EBF3: variants seen among roughly 807,000 people sequenced by gnomAD.
EBF3 encodes EBF transcription factor 3.
In EBF3, 18 loss-of-function variants were observed where a neutral mutation model predicts 77.1. The observed-to-expected ratio is 0.23, with a 90% CI of 0.16 to 0.35. The LOEUF (loss-of-function observed/expected upper bound fraction) is 0.35. Ranked by LOEUF, EBF3 falls within the 10% of genes least tolerant of loss-of-function variation. The probability of loss-of-function intolerance (pLI) is 1.00; values close to 1 mark genes in which losing one functional copy is unlikely to be tolerated. For missense variants in EBF3, 558 were observed against 860.0 expected, an observed-to-expected ratio of 0.65 and a Z score of 4.39; for synonymous variants, 350 against 343.5, an observed-to-expected ratio of 1.02 and a Z score of -0.21.
chr10:129,852,624 C>T (rs773112469), intron 10 of EBF3, among the ~76,000 whole-genome samples: 4 of 152,134 alleles, frequency 2.6e-5, no homozygotes, highest in Admixed American at 6.5e-5. Flanking sequence ...TTTTATTAGA[C>T]CTGAATAGCA....
chr10:129,841,024 T>G lies in EBF3; in HGVS notation c.1381A>C (p.Ser461Arg). The G allele has an allele frequency of 6.3e-7, 1 of 1,590,484 alleles. No homozygotes were observed. Among genetic ancestry groups the G allele is most frequent in the Non-Finnish European group, 8.6e-7 (1 of 1,167,960 alleles). ...GGGGACACGCTGCTTGTATTGCGAC[T>G]GTAGCCGACTGTTGAAATCCCCCCC... ...TSQANDQVGY[S>R]RNTSSVSPRG... Residue 461 changes from serine (S) to arginine (R), a missense_variant, in exon 14 of 17, where the codon AGT (serine) becomes CGT (arginine). Around this residue, in one of 5 missense-constraint regions of EBF3, gnomAD observed 284 missense variants for 368.3 expected, o/e 0.77. Transcript: ENST00000440978. This position sits in a 1 kb window ranked among gnomAD's most constrained non-coding sequence, Gnocchi z 4.6.
intron 15 of EBF3, among the ~76,000 whole-genome samples, 176 bp from the exon 16 acceptor site, chr10:129,839,371 C>T (rs933276788): frequency 3.9e-5 from 6 of 152,214 alleles, no homozygotes; most frequent in African/African-American, 1.2e-4. Flanking sequence ...AAGGGCCACT[C>T]GCAAGTTCAT....
At chr10:129,844,343 CCTGTGG>C (rs1480857913) in intron 11 of EBF3, among the ~76,000 whole-genome samples, 1 of 152,162 alleles carries the variant, frequency 6.6e-6, no homozygotes, top group Non-Finnish European at 1.5e-5. Context: ...CGCTCCTGGG[CCTGTGG>C]CTGTGGCCTT....
At chr10:129,859,703 G>C (rs1281460788) in intron 10 of EBF3, among the ~76,000 whole-genome samples, 1 of 152,254 alleles carries the variant, frequency 6.6e-6, no homozygotes, top group Non-Finnish European at 1.5e-5. Flanking sequence ...GAGCAGCCAG[G>C]CTCCAGCACT....
intron 6 of EBF3, among the ~76,000 whole-genome samples, chr10:129,916,451 G>T (rs747760415): frequency 1.3e-5 from 2 of 152,248 alleles, no homozygotes; most frequent in African/African-American, 2.4e-5. Context: ...CTGGATTCAG[G>T]ACGGGTGCAG....
chr10:129,866,394 T>A (rs1420799140), intron 10 of EBF3, among the ~76,000 whole-genome samples: 1 of 152,176 alleles, frequency 6.6e-6, no homozygotes, highest in Non-Finnish European at 1.5e-5. Context: ...GGATCACAGG[T>A]GTGAGCCAAC....
chr10:129,838,625 CT>C (rs1015582946), intron 16 of EBF3, among the ~76,000 whole-genome samples: 21 of 152,220 alleles, frequency 1.4e-4, no homozygotes, highest in African/African-American at 4.8e-4. Flanking sequence ...GAAGAGAAAA[CT>C]TTGCACGAAA....
intron 8 of EBF3, among the ~76,000 whole-genome samples, chr10:129,868,590 G>T (rs1165157514): frequency 6.6e-6 from 1 of 152,200 alleles, no homozygotes; most frequent in African/African-American, 2.4e-5. Context: ...ACCGGCCGCA[G>T]AGGCAGCCCT....
At chr10:129,878,012 G>A (rs1293003059) in intron 6 of EBF3, among the ~76,000 whole-genome samples, 163 bp from the exon 7 acceptor site, 1 of 152,142 alleles carries the variant, frequency 6.6e-6, no homozygotes, top group African/African-American at 2.4e-5. Flanking sequence ...GAGAGGCGGC[G>A]AGGAGGCACC....
At chr10:129,902,927 C>T (rs1262915819) in intron 6 of EBF3, among the ~76,000 whole-genome samples, 1 of 152,200 alleles carries the variant, frequency 6.6e-6, no homozygotes, top group African/African-American at 2.4e-5. Context: ...AATTCACATC[C>T]AAGAGACGGC....
rs143914361 is a variant in EBF3 at position 129,848,737 on chromosome 10, T to G, written c.1040-257A>C. Among the ~76,000 whole-genome samples the G allele has an allele frequency of 4.3e-3, 659 of 152,318 alleles. 2 individuals are homozygous for G. Among genetic ancestry groups the G allele is most frequent in the African/African-American group, 0.015 (627 of 41,572 alleles). On this transcript the variant is annotated intron_variant, in intron 10 of 16. Transcript: ENST00000440978. The surrounding 1 kb of genome is among the most constrained non-coding windows in gnomAD (Gnocchi z 4.4). Reference sequence around the variant, plus strand: ...ACTCAATATATTGTAAAAATGGTAGTGCAGTCACAAAGTTACAGGTCTTGG... The same window carrying G: ...ACTCAATATATTGTAAAAATGGTAGGGCAGTCACAAAGTTACAGGTCTTGG...
intron 6 of EBF3, among the ~76,000 whole-genome samples, chr10:129,907,027 G>A (rs1855193179): frequency 6.6e-6 from 1 of 152,214 alleles, no homozygotes; most frequent in South Asian, 2.1e-4. Flanking sequence ...CTTATGACAT[G>A]ATTGATTTTC....
intron 6 of EBF3, among the ~76,000 whole-genome samples, chr10:129,900,186 T>C (rs1854680693): frequency 6.6e-6 from 1 of 152,210 alleles, no homozygotes; most frequent in African/African-American, 2.4e-5. Flanking sequence ...AGAGTCATCA[T>C]AAAGTAACTC....
rs151206880 is a variant in EBF3 at position 129,867,214 on chromosome 10, G to T, written c.966C>A (p.Gly322=). The change falls in exon 10 of 17, where the codon GGC becomes GGA. Residue 322 remains glycine, a synonymous_variant. Coordinates refer to ENST00000440978, the MANE Select transcript of EBF3 (RefSeq NM_001375380.1). The part of the protein sequence containing the change: ...RVQTPPRHIP[G]VVEVTLSYKS... The stretch of plus-strand genomic sequence containing the variant: ...TGTAGGAGAGGGTCACTTCGACGAC[G>T]CCAGGAATGTGCCTCGGCGGGGTCT... 1.9e-6 allele frequency: 3 copies of T among 1,614,122 alleles called. No homozygotes were observed. The South Asian group carries it at 3.3e-5, about 18-fold the overall frequency.
chr10:129,961,410 G>A (rs1053938976), intron 4 of EBF3, among the ~76,000 whole-genome samples: 6 of 152,200 alleles, frequency 3.9e-5, no homozygotes, highest in African/African-American at 1.4e-4. Context: ...AGCAGCCAGA[G>A]ACTGCACAAT....
chr10:129,839,831 CAGG>C lies in EBF3; in HGVS notation c.1759+411_1759+413del, dbSNP rs553104952. On this transcript the variant is annotated intron_variant, in intron 15 of 16. Transcript: ENST00000440978. ...CTTTGTGCATAGCAGGCTGCAAGCCCAGGAGCTATGGGCAGGGCAGCATCCTGC... is the reference window on the plus strand; with the variant it reads ...CTTTGTGCATAGCAGGCTGCAAGCCCAGCTATGGGCAGGGCAGCATCCTGC... 4.1e-3 allele frequency among the ~76,000 whole-genome samples: 631 copies of C among 152,346 alleles called. 3 individuals carry two copies. Among genetic ancestry groups the C allele is most frequent in the African/African-American group, 0.014 (598 of 41,600 alleles).
intron 7 of EBF3, among the ~76,000 whole-genome samples, chr10:129,876,847 T>C (rs564243896): frequency 7.0e-6 from 1 of 143,110 alleles, no homozygotes; most frequent in East Asian, 2.1e-4. Context: ...TATGAATCTA[T>C]CATAATGGTA....
chr10:129,963,791 A>T lies in EBF3; in HGVS notation c.-23T>A. 3 of 1,493,118 alleles carry T rather than the reference A, an allele frequency of 2.0e-6. No homozygotes were observed. The highest frequency in any genetic ancestry group is 2.7e-6 in the Non-Finnish European group (3 of 1,110,822). The allele number at this position is 1,493,118 out of a possible 1,614,324, so 92.5% of individuals were successfully genotyped here. A position where few individuals can be genotyped will look rare whatever the true frequency, so the allele number is the denominator to read the frequency against. On this transcript the variant is annotated 5_prime_UTR_variant, in exon 1 of 17. Coordinates refer to ENST00000440978, the MANE Select transcript of EBF3 (RefSeq NM_001375380.1). This position sits in a 1 kb window ranked among gnomAD's most constrained non-coding sequence, Gnocchi z 7.1. ...CATGAAAACTGCTGGCGGCGGCCGC[A>T]GCTCCCGGCCGAAAGCGTTTCCTCG...
chr10:129,862,226 T>C (rs1259053823), intron 10 of EBF3, among the ~76,000 whole-genome samples: 2 of 152,202 alleles, frequency 1.3e-5, no homozygotes, highest in African/African-American at 4.8e-5. Context: ...CAATTACTGG[T>C]TGAGTAACGA....
Sources: allele counts gnomAD v4.1 joint callset (sites outside exome capture counted in the v4.1 genomes callset), GRCh38; gene constraint gnomAD v4.1.1; regional missense constraint gnomAD v4.1.1; non-coding constraint Gnocchi (gnomAD v3.1); transcripts MANE v1.5; gene names NCBI Gene and HGNC (gene_info 2026-07-23, HGNC 2026-07-21).